The following GOSR2 variants were observed in gnomAD, a reference collection of about 807,000 sequenced individuals.
GOSR2 encodes the protein 27 kDa Golgi SNARE protein.
In GOSR2, 20 loss-of-function variants were observed where a neutral mutation model predicts 27.9. The observed-to-expected ratio is 0.72, with a 90% CI of 0.50 to 1.04. The LOEUF is 1.04. Ranked by LOEUF, GOSR2 falls within the 50% of genes least tolerant of loss-of-function variation. The pLI is 0.00. For missense variants in GOSR2, 261 were observed against 270.5 expected (o/e 0.97, Z 0.25); for synonymous variants, 91 against 98.8 (o/e 0.92, Z 0.47).
chr17:46,969,238 G>C (rs1198775831), downstream of GOSR2, among the ~76,000 whole-genome samples: 1 of 152,180 alleles, frequency 6.6e-6, no homozygotes, highest in Non-Finnish European at 1.5e-5. Context: ...TCTCCACAAG[G>C]GGAACACTCT....
At chr17:46,970,925 G>A (rs183784617), downstream of GOSR2, among the ~76,000 whole-genome samples, 3 of 152,162 alleles carry the variant, frequency 2.0e-5, no homozygotes, top group Non-Finnish European at 4.4e-5. Flanking sequence ...TAATTCTATC[G>A]ATCCCTCAAA....
At chr17:46,936,571 A>G (rs902311909) in intron 5 of GOSR2, 25 of 985,440 alleles carry the variant, frequency 2.5e-5, no homozygotes, top group East Asian at 2.3e-4. Context: ...CAAAAGGAAC[A>G]TAGGAGAGGG....
At position 46,939,424 on chromosome 17, in the gene GOSR2, G is replaced by A; in HGVS notation, c.*664G>A. 2 of 993,226 alleles carry A rather than the reference G, an allele frequency of 2.0e-6. No homozygotes were observed. Among genetic ancestry groups the A allele is most frequent in the Non-Finnish European group, 2.4e-6 (2 of 833,586 alleles). 61.5% of individuals were successfully genotyped at this position (993,226 alleles called of 1,614,324 possible). On this transcript the variant is annotated 3_prime_UTR_variant, in exon 6 of 6. Transcript: ENST00000640051. Reference sequence around the variant, plus strand: ...TTCTCTTTTCTAAAGTGAGGCCAGTGTTATTTCCCGGGAGTGTTCAGTCTT... The same window carrying A: ...TTCTCTTTTCTAAAGTGAGGCCAGTATTATTTCCCGGGAGTGTTCAGTCTT...
At position 46,932,135 on chromosome 17, in the gene GOSR2, G is replaced by A. The variant is rs145168042; in HGVS notation, c.272G>A (p.Arg91His). Residue 91 changes from arginine to histidine, a missense_variant, in exon 4 of 6, where the codon CGC (arginine) becomes CAC (histidine). By Grantham distance (29) the Arg-to-His change is conservative. Coordinates refer to ENST00000640051, the MANE Select transcript of GOSR2 (RefSeq NM_004287.5). Reference protein sequence around the residue: ...QTALRNFQHRRHAREQQERQR... With the variant: ...QTALRNFQHRHHAREQQERQR... Reference sequence around the variant, plus strand: ...GCGCTCAGAAACTTCCAGCATCGGCGCCATGCAAGGGAGCAGCAGGAGAGA... The same window carrying A: ...GCGCTCAGAAACTTCCAGCATCGGCACCATGCAAGGGAGCAGCAGGAGAGA... 29 of 1,614,062 alleles carry A rather than the reference G, an allele frequency of 1.8e-5. No homozygotes were observed. The highest frequency in any genetic ancestry group is 1.6e-4 in the Middle Eastern group (1 of 6,062).
intron 6 of GOSR2, among the ~76,000 whole-genome samples, chr17:46,973,809 A>G (rs1695278224): frequency 6.9e-6 from 1 of 145,982 alleles, no homozygotes; most frequent in Non-Finnish European, 1.5e-5. Flanking sequence ...ATGTGTGTGC[A>G]TGCGTGCGAC....
chr17:46,923,409 C>A, intron 1 of GOSR2, 188 bp downstream of exon 1: 1 of 1,444,436 alleles, frequency 6.9e-7, no homozygotes, highest in Non-Finnish European at 9.1e-7. Flanking sequence ...ACAGTGGGTT[C>A]AGGCTGGGGC....
chr17:46,963,275 T>C (rs2147312618), intron 6 of GOSR2, among the ~76,000 whole-genome samples: 1 of 152,358 alleles, frequency 6.6e-6, no homozygotes, highest in Non-Finnish European at 1.5e-5. Flanking sequence ...CCAGGTGCAG[T>C]GGCTCACGCC....
intron 4 of GOSR2, among the ~76,000 whole-genome samples, chr17:46,933,968 C>A (rs539140993): frequency 4.0e-5 from 6 of 151,838 alleles, no homozygotes; most frequent in Non-Finnish European, 7.4e-5. Flanking sequence ...CGAAACAAAC[C>A]CCAGCACTAC....
Position 46,938,743 on chromosome 17 carries a change from G to A in GOSR2, c.622G>A (p.Val208Met), listed in dbSNP as rs1467643177. 1 of 1,613,960 alleles carries A rather than the reference G, an allele frequency of 6.2e-7. No individual in the cohort carries two copies. Reference protein sequence around the residue: ...LLTCVVMFLVVQYLT With the variant: ...LLTCVVMFLVMQYLT ...GACCTGTGTGGTCATGTTCCTCGTG[G>A]TGCAGTACCTGACATGAGCCAGCCA... is the stretch of plus-strand genomic sequence containing the variant. The change falls in exon 6 of 6, where the codon GTG becomes ATG. Residue 208 changes from valine (V) to methionine (M), a missense_variant. Val to Met is a conservative substitution (Grantham distance 21). Coordinates refer to ENST00000640051, the MANE Select transcript of GOSR2 (RefSeq NM_004287.5).
At chr17:46,923,388 G>A in intron 1 of GOSR2, 167 bp downstream of exon 1, 3 of 1,464,508 alleles carry the variant, frequency 2.0e-6, no homozygotes, top group Non-Finnish European at 2.7e-6. Flanking sequence ...GGACTCCCAG[G>A]TCAGCCACAG....
intron 6 of GOSR2, among the ~76,000 whole-genome samples, chr17:46,957,950 A>T (rs907837818): frequency 1.3e-5 from 2 of 152,198 alleles, no homozygotes; most frequent in African/African-American, 4.8e-5. Context: ...AGTGAGAGGG[A>T]GTCGGAGATC....
chr17:46,923,443 C>T (rs548152029), intron 1 of GOSR2: 3 of 1,415,444 alleles, frequency 2.1e-6, no homozygotes, highest in East Asian at 2.6e-5. Flanking sequence ...GCAGATGACT[C>T]CTGGGGTCTG....
intron 6 of GOSR2, among the ~76,000 whole-genome samples, chr17:46,972,602 C>T (rs149609281): frequency 1.4e-3 from 209 of 152,374 alleles, no homozygotes; most frequent in African/African-American, 4.8e-3. Flanking sequence ...GGCTGCATTG[C>T]TGTCAACATA....
downstream of GOSR2, among the ~76,000 whole-genome samples, chr17:46,946,436 A>T (rs2089892910): frequency 7.2e-6 from 1 of 139,038 alleles, no homozygotes. Flanking sequence ...ACTCCAGCCT[A>T]GGCAAGAAGA....
At chr17:46,956,888 G>A (rs2090754714) in intron 6 of GOSR2, among the ~76,000 whole-genome samples, 1 of 152,192 alleles carries the variant, frequency 6.6e-6, no homozygotes, top group Non-Finnish European at 1.5e-5. Flanking sequence ...GGCAAGAAAG[G>A]ATGCTAATGG....
downstream of GOSR2, among the ~76,000 whole-genome samples, chr17:46,942,380 A>G (rs1327919073): frequency 6.6e-6 from 1 of 152,194 alleles, no homozygotes; most frequent in Non-Finnish European, 1.5e-5. Flanking sequence ...TCCATCATTT[A>G]TCCTCATTAT....
rs750704163 is a variant in GOSR2 at position 46,929,505 on chromosome 17, C to T, written c.30-15C>T. ...TACTCCTGTCTCACTCATTTCCTCC[C>T]TCTTCCTTTGATAGGCAGGTCCACG... On this transcript the variant is annotated splice_polypyrimidine_tract_variant and intron_variant, in intron 1 of 5. Coordinates refer to ENST00000640051, the MANE Select transcript of GOSR2 (RefSeq NM_004287.5). 3 of 1,443,088 alleles carry T rather than the reference C, an allele frequency of 2.1e-6. No homozygotes were observed. The highest frequency in any genetic ancestry group is 2.0e-6 in the Non-Finnish European group (2 of 1,024,236). The allele number at this position is 1,443,088 out of a possible 1,614,324, so 89.4% of individuals were successfully genotyped here. A position where few individuals can be genotyped will look rare whatever the true frequency, so the allele number is the denominator to read the frequency against.
At chr17:46,936,903 T>A (rs1239779029) in intron 5 of GOSR2, 1 of 708,140 alleles carries the variant, frequency 1.4e-6, no homozygotes, top group South Asian at 6.4e-5. Flanking sequence ...TTCCTGTCCA[T>A]GATGCCTAAT....
At chr17:46,962,470 C>T (rs999606577) in intron 6 of GOSR2, among the ~76,000 whole-genome samples, 1 of 152,142 alleles carries the variant, frequency 6.6e-6, no homozygotes, top group Admixed American at 6.5e-5. Flanking sequence ...TTTTAATAAA[C>T]AGGATGTGGC....
Sources: gnomAD v4.1 joint callset for allele counts (sites outside exome capture counted in the v4.1 genomes callset) on GRCh38, gnomAD v4.1.1 for gene constraint, MANE v1.5 for transcripts, NCBI Gene and HGNC (gene_info 2026-07-23, HGNC 2026-07-21) for gene names.